VPS13B: variants seen among roughly 807,000 people sequenced by gnomAD.
VPS13B encodes the protein vacuolar protein sorting 13 homolog B, also known as intermembrane lipid transfer protein VPS13B.
VPS13B carries 285 observed loss-of-function variants against 426.4 expected under a neutral mutation model. The ratio of observed to expected loss-of-function variants is 0.67; its 90% confidence interval spans 0.61 to 0.74. The LOEUF (loss-of-function observed/expected upper bound fraction) is 0.74, where lower values mean the gene tolerates loss of function less well. VPS13B is among the 30% of genes least tolerant of loss of function. The probability of loss-of-function intolerance (pLI) is 0.00; values close to 1 mark genes in which losing one functional copy is unlikely to be tolerated. For synonymous variants in VPS13B, 1,676 were observed against 1,676.4 expected (o/e 1.00, Z 0.01); for missense variants, 4,537 against 4,782.6 (o/e 0.95, Z 1.51).
At chr8:99,233,167 A>G (rs1816442308) in intron 17 of VPS13B, 1 of 1,401,846 alleles carries the variant, frequency 7.1e-7, no homozygotes, top group Admixed American at 1.7e-5. Context: ...GTGCCCGATA[A>G]TTCTGATGAT....
In VPS13B at chr8:99,809,437, C is replaced by T; in HGVS notation, c.8004C>T (p.Asp2668=). 6.2e-7 allele frequency: 1 copy of T among 1,613,912 alleles called. No homozygotes were observed. Among genetic ancestry groups the T allele is most frequent in the Non-Finnish European group, 8.5e-7 (1 of 1,179,956 alleles). Residue 2668 remains aspartate, a synonymous_variant, in exon 44 of 62, where the codon GAC becomes GAT. Transcript: ENST00000357162. ...GTTGGTCAGAGCCTTTCAGTGTGGA[C>T]CATGCCGGGACTTTTATTAGAACAA... ...NWRWSEPFSV[D]HAGTFIRTIQ...
chr8:99,548,363 C>A (rs1212087702), intron 30 of VPS13B, among the ~76,000 whole-genome samples: 1 of 151,858 alleles, frequency 6.6e-6, no homozygotes, highest in Non-Finnish European at 1.5e-5. Flanking sequence ...GATTTTCAGT[C>A]TTTGAAAAAA....
chr8:99,425,158 C>T (rs1816620471), intron 21 of VPS13B, among the ~76,000 whole-genome samples: 1 of 152,158 alleles, frequency 6.6e-6, no homozygotes, highest in Admixed American at 6.5e-5. Context: ...TGGTACCATT[C>T]CTTCTGAAAC....
chr8:99,481,607 C>G lies in VPS13B; in HGVS notation c.3675C>G (p.Leu1225=). Residue 1225 remains leucine (L), a synonymous_variant, in exon 25 of 62, where the codon CTC becomes CTG. Transcript: ENST00000357162. ...TTTTCTTATGCTCTCAGGTCCAGCT[C>G]TTCTATGAACTAACTGATATCATGA... ...EIKCSNPQVQ[L]FYELTDIMNK... is the part of the protein sequence containing the mutation. 6.2e-7 allele frequency: 1 copy of G among 1,613,732 alleles called. No homozygotes were observed. The highest frequency in any genetic ancestry group is 8.5e-7 in the Non-Finnish European group (1 of 1,179,828).
chr8:99,705,035 C>T (rs751390725), intron 36 of VPS13B, among the ~76,000 whole-genome samples: 1 of 152,062 alleles, frequency 6.6e-6, no homozygotes. Context: ...GTCCGTGAAA[C>T]ATGACACCTC....
At chr8:99,087,134 C>T (rs1845860385) in intron 3 of VPS13B, among the ~76,000 whole-genome samples, 3 of 152,294 alleles carry the variant, frequency 2.0e-5, no homozygotes, top group Admixed American at 2.0e-4. Context: ...GCTTTGTTTA[C>T]CTACTCATGC....
At chr8:99,064,202 C>A (rs1001293529) in intron 3 of VPS13B, among the ~76,000 whole-genome samples, 4 of 152,132 alleles carry the variant, frequency 2.6e-5, no homozygotes, top group South Asian at 2.1e-4. Context: ...CTCTTCTCCC[C>A]CAAAGGATCG....
intron 3 of VPS13B, among the ~76,000 whole-genome samples, chr8:99,072,587 G>A (rs1844907513): frequency 6.6e-6 from 1 of 152,186 alleles, no homozygotes; most frequent in Non-Finnish European, 1.5e-5. Context: ...TCCCCTGGCT[G>A]GGTGGTTTAA....
At chr8:99,868,530 G>A in intron 59 of VPS13B, 65 bp downstream of exon 59, 1 of 1,548,712 alleles carries the variant, frequency 6.5e-7, no homozygotes, top group Non-Finnish European at 8.7e-7. Flanking sequence ...TATACCAAGG[G>A]TTCCCTAAGA....
chr8:99,699,581 C>A lies in VPS13B; in HGVS notation c.6103C>A (p.Leu2035Met), dbSNP rs146073786. Reference protein sequence around the residue: ...PLKANLSFTKLDQINLFLKKI... With the variant: ...PLKANLSFTKMDQINLFLKKI... Reference sequence around the variant, plus strand: ...GAAAGCAAACCTGAGTTTCACCAAACTGGATCAGATAAACCTTTTTTTAAA... The same window carrying A: ...GAAAGCAAACCTGAGTTTCACCAAAATGGATCAGATAAACCTTTTTTTAAA... The change falls in exon 36 of 62, where the codon CTG becomes ATG. Residue 2035 changes from leucine to methionine, a missense_variant. Transcript: ENST00000357162. 5 of 1,613,958 alleles carry A rather than the reference C, an allele frequency of 3.1e-6. No homozygotes were observed. The highest frequency in any genetic ancestry group is 4.2e-6 in the Non-Finnish European group (5 of 1,180,016).
intron 19 of VPS13B, among the ~76,000 whole-genome samples, chr8:99,299,570 A>G (rs1262734379): frequency 6.6e-6 from 1 of 151,884 alleles, no homozygotes. Flanking sequence ...TTGTTGCACC[A>G]TGCTAAACTT....
At chr8:99,806,235 C>T (rs761985827) in intron 43 of VPS13B, among the ~76,000 whole-genome samples, 11 of 152,190 alleles carry the variant, frequency 7.2e-5, no homozygotes, top group Admixed American at 6.5e-4. Flanking sequence ...TAACCTTATC[C>T]TCCAACCCTT....
At chr8:99,058,084 T>G (rs1843979638) in intron 3 of VPS13B, among the ~76,000 whole-genome samples, 1 of 152,204 alleles carries the variant, frequency 6.6e-6, no homozygotes, top group East Asian at 1.9e-4. Flanking sequence ...TGTTCCCAAG[T>G]TTTTTCTTTT....
chr8:99,303,343 T>C (rs1820470498), intron 19 of VPS13B, among the ~76,000 whole-genome samples: 1 of 149,556 alleles, frequency 6.7e-6, no homozygotes, highest in Admixed American at 6.7e-5. Context: ...CTGTGAACAA[T>C]GGGCGCTCAT....
intron 5 of VPS13B, among the ~76,000 whole-genome samples, chr8:99,108,099 T>C (rs1847143213): frequency 6.6e-6 from 1 of 152,224 alleles, no homozygotes; most frequent in Non-Finnish European, 1.5e-5. Context: ...ACATGCAGTG[T>C]TTGGTTTTCT....
intron 33 of VPS13B, among the ~76,000 whole-genome samples, chr8:99,584,427 G>A (rs370391185): frequency 3.9e-5 from 6 of 152,228 alleles, no homozygotes; most frequent in South Asian, 2.1e-4. Flanking sequence ...CAGTAAATGC[G>A]TTAAGTTTTC....
chr8:99,400,986 T>C (rs1259037563), intron 21 of VPS13B, among the ~76,000 whole-genome samples: 1 of 152,242 alleles, frequency 6.6e-6, no homozygotes, highest in Non-Finnish European at 1.5e-5. Flanking sequence ...TGGTATTACT[T>C]TTTAAATATT....
chr8:99,023,701 G>A (rs921171014), intron 2 of VPS13B, among the ~76,000 whole-genome samples: 1 of 152,076 alleles, frequency 6.6e-6, no homozygotes, highest in South Asian at 2.1e-4. Context: ...GGCTGGTCTC[G>A]AATGCCTGAC....
At chr8:99,337,468 C>CG (rs1413996266) in intron 19 of VPS13B, among the ~76,000 whole-genome samples, 1 of 151,166 alleles carries the variant, frequency 6.6e-6, no homozygotes, top group Non-Finnish European at 1.5e-5. Flanking sequence ...ACGTATGTAA[C>CG]TAACCTGCAC....
Sources: allele counts gnomAD v4.1 joint callset (sites outside exome capture counted in the v4.1 genomes callset), GRCh38; gene constraint gnomAD v4.1.1; transcripts MANE v1.5; gene names NCBI Gene and HGNC (gene_info 2026-07-23, HGNC 2026-07-21).